Variants in ENTREP2 observed in about 807,000 individuals in gnomAD.
ENTREP2 encodes the protein endosomal transmembrane epsin interactor 2, also known as protein ENTREP2.
At chr15:29,591,896 A>AGAAGAAGAAGAG in the ENTREP2 span, among the ~76,000 whole-genome samples, 1 of 142,982 alleles carries the variant, frequency 7.0e-6, no homozygotes, top group Non-Finnish European at 1.5e-5. Context: ...AAGAAGAAGA[A>AGAAGAAGAAGAG]GAGAGAAAAC....
chr15:29,237,985 G>A, the ENTREP2 span, among the ~76,000 whole-genome samples: 1 of 152,188 alleles, frequency 6.6e-6, no homozygotes, highest in African/African-American at 2.4e-5. Context: ...TAAACAAAAT[G>A]TGCTTAATCC....
At chr15:29,533,199 G>A in the ENTREP2 span, among the ~76,000 whole-genome samples, 14 of 152,194 alleles carry the variant, frequency 9.2e-5, no homozygotes, top group Non-Finnish European at 1.0e-4. Context: ...CAGGTCTGAC[G>A]AGGCCTCCAT....
chr15:29,192,668 G>C, the ENTREP2 span, among the ~76,000 whole-genome samples: 4 of 152,306 alleles, frequency 2.6e-5, 1 homozygote, highest in Non-Finnish European at 5.9e-5. Context: ...CAATGAGGAA[G>C]AGTCAAATGC....
the ENTREP2 span, among the ~76,000 whole-genome samples, chr15:29,390,322 C>T: frequency 5.3e-5 from 8 of 152,064 alleles, no homozygotes; most frequent in East Asian, 1.9e-4. Context: ...ACCTTCATCC[C>T]GTTTAATTTA....
At chr15:29,213,313 TC>T in the ENTREP2 span, among the ~76,000 whole-genome samples, 1 of 152,140 alleles carries the variant, frequency 6.6e-6, no homozygotes, top group Non-Finnish European at 1.5e-5. Flanking sequence ...AGTAGTTTTT[TC>T]CAATTCTGTG....
chr15:29,211,592 C>A, the ENTREP2 span, among the ~76,000 whole-genome samples: 1 of 152,118 alleles, frequency 6.6e-6, no homozygotes, highest in African/African-American at 2.4e-5. Context: ...TTTCCCCATT[C>A]GGTATTATAT....
the ENTREP2 span, chr15:29,136,288 T>C: frequency 2.9e-6 from 4 of 1,396,920 alleles, no homozygotes; most frequent in African/African-American, 2.9e-5. Context: ...CGGTGTGAGG[T>C]GCCTTCCGAG....
the ENTREP2 span, among the ~76,000 whole-genome samples, chr15:29,494,211 A>AAAAACTTTAAAAACG: frequency 6.6e-6 from 1 of 152,134 alleles, no homozygotes; most frequent in South Asian, 2.1e-4. Flanking sequence ...AGGAAAAAAA[A>AAAAACTTTAAAAACG]AAACTTTAAA....
chr15:29,642,785 TG>T, the ENTREP2 span, among the ~76,000 whole-genome samples: 2 of 152,056 alleles, frequency 1.3e-5, no homozygotes, highest in Admixed American at 1.3e-4. Flanking sequence ...GCTAATTTTT[TG>T]TATTTTTAGT....
chr15:29,394,128 T>C, the ENTREP2 span, among the ~76,000 whole-genome samples: 27 of 152,150 alleles, frequency 1.8e-4, no homozygotes, highest in African/African-American at 4.3e-4. Flanking sequence ...TACTGAGACA[T>C]AGGAAGGAAG....
the ENTREP2 span, among the ~76,000 whole-genome samples, chr15:29,295,568 C>T: frequency 6.6e-6 from 1 of 152,166 alleles, no homozygotes; most frequent in Non-Finnish European, 1.5e-5. Flanking sequence ...ACATATGATA[C>T]AGTTTATAAA....
the ENTREP2 span, among the ~76,000 whole-genome samples, chr15:29,353,182 C>T: frequency 6.6e-6 from 1 of 152,034 alleles, no homozygotes; most frequent in Non-Finnish European, 1.5e-5. Flanking sequence ...TTTATTCTCC[C>T]CATTGCACAG....
chr15:29,533,012 A>G, the ENTREP2 span, among the ~76,000 whole-genome samples: 1 of 151,792 alleles, frequency 6.6e-6, no homozygotes, highest in African/African-American at 2.4e-5. Context: ...AGGAAGGGGA[A>G]ATGGCCATGT....
At chr15:29,622,024 AAGAC>A in the ENTREP2 span, among the ~76,000 whole-genome samples, 3 of 152,108 alleles carry the variant, frequency 2.0e-5, no homozygotes, top group East Asian at 3.9e-4. Context: ...CAAATTCACA[AAGAC>A]AGAAAGTAAC....
chr15:29,250,088 T>C, the ENTREP2 span, among the ~76,000 whole-genome samples: 1 of 152,050 alleles, frequency 6.6e-6, no homozygotes, highest in Non-Finnish European at 1.5e-5. Context: ...CAACTGAACA[T>C]GAGATTTGGG....
the ENTREP2 span, among the ~76,000 whole-genome samples, chr15:29,356,173 A>T: frequency 6.8e-6 from 1 of 147,432 alleles, no homozygotes; most frequent in Non-Finnish European, 1.5e-5. Flanking sequence ...TGGTTTTGGT[A>T]ATTTGATAAA....
chr15:29,419,430 AC>A, the ENTREP2 span, among the ~76,000 whole-genome samples: 2 of 152,144 alleles, frequency 1.3e-5, no homozygotes, highest in Admixed American at 1.3e-4. Flanking sequence ...TAAAACGAAT[AC>A]CCAAACTAAA....
the ENTREP2 span, among the ~76,000 whole-genome samples, chr15:29,439,332 CAA>C: frequency 2.4e-3 from 248 of 103,732 alleles, 4 homozygotes; most frequent in African/African-American, 6.8e-3. Flanking sequence ...CACACACACA[CAA>C]ACAGTAGAGG....
the ENTREP2 span, among the ~76,000 whole-genome samples, chr15:29,585,336 A>G: frequency 6.6e-6 from 1 of 152,340 alleles, no homozygotes; most frequent in South Asian, 2.1e-4. Context: ...ATCATTTTCA[A>G]ATCATATTGA....
Sources: allele counts gnomAD v4.1 joint callset (sites outside exome capture counted in the v4.1 genomes callset), GRCh38; gene constraint gnomAD v4.1.1; transcripts MANE v1.5; gene names NCBI Gene and HGNC (gene_info 2026-07-23, HGNC 2026-07-21).